The following PIEZO2 variants were observed in gnomAD, a reference collection of about 807,000 sequenced individuals.
PIEZO2 encodes the protein piezo type mechanosensitive ion channel component 2, also known as piezo-type mechanosensitive ion channel component 2.
PIEZO2 carries 172 observed loss-of-function variants against 337.3 expected under a neutral mutation model. The observed-to-expected ratio is 0.51, with a 90% CI of 0.45 to 0.58. The LOEUF is 0.58. Among genes scored for constraint, PIEZO2 ranks in the 20% least tolerant of loss-of-function variants. The pLI is 0.00. For synonymous variants in PIEZO2, 1,251 were observed against 1,228.5 expected (o/e 1.02, Z -0.38); for missense variants, 3,028 against 3,391.3 (o/e 0.89, Z 2.66).
intron 18 of PIEZO2, among the ~76,000 whole-genome samples, chr18:10,774,514 G>A (rs558894485): frequency 3.9e-5 from 6 of 152,270 alleles, no homozygotes; most frequent in Non-Finnish European, 8.8e-5. Flanking sequence ...CCACCTGAGA[G>A]TTACTGATGC....
At chr18:10,770,507 G>T (rs146544489) in intron 20 of PIEZO2, among the ~76,000 whole-genome samples, 199 bp from the exon 21 acceptor site, 1 of 152,150 alleles carries the variant, frequency 6.6e-6, no homozygotes, top group Admixed American at 6.5e-5. Context: ...TCTCAGACTT[G>T]GAGGGACAAT....
intron 40 of PIEZO2, among the ~76,000 whole-genome samples, chr18:10,706,241 G>A (rs115532957): frequency 0.015 from 2,259 of 152,252 alleles, 57 homozygotes; most frequent in African/African-American, 0.052. Flanking sequence ...ATGGGAATGG[G>A]AATGATTAAA....
At position 10,821,350 on chromosome 18, in the gene PIEZO2, T is replaced by C. The variant is rs987752426; in HGVS notation, c.918-14076A>G. Among the ~76,000 whole-genome samples, 1 of 152,194 alleles carries C rather than the reference T, an allele frequency of 6.6e-6. No homozygotes were observed. Among genetic ancestry groups the C allele is most frequent in the Admixed American group, 6.5e-5 (1 of 15,270 alleles). ...GTTTCATATATTTTCTCTAGTTTTC[T>C]CTTTGATTATAGGAGGATAGCTGGT... On this transcript the variant is annotated intron_variant, in intron 7 of 55. Transcript: ENST00000674853. The surrounding 1 kb of genome is among the most constrained non-coding windows in gnomAD (Gnocchi z 4.2).
chr18:10,912,104 C>T (rs987091858), intron 3 of PIEZO2, among the ~76,000 whole-genome samples: 16 of 151,878 alleles, frequency 1.1e-4, no homozygotes, highest in Non-Finnish European at 2.2e-4. Flanking sequence ...CACAAAAATG[C>T]TATTCCAACT....
chr18:11,041,657 A>T (rs1342938957), intron 2 of PIEZO2, among the ~76,000 whole-genome samples: 1 of 152,170 alleles, frequency 6.6e-6, no homozygotes, highest in East Asian at 1.9e-4. Flanking sequence ...TTTTTCTACG[A>T]TGTCAATTTG....
At chr18:10,886,501 C>CTATGTATATATATAT in intron 4 of PIEZO2, among the ~76,000 whole-genome samples, 7 of 11,810 alleles carry the variant, frequency 5.9e-4, no homozygotes, top group Non-Finnish European at 7.9e-4. Flanking sequence ...TATATATACG[C>CTATGTATATATATAT]ATATACACAT....
chr18:11,051,560 T>C (rs987827895), intron 2 of PIEZO2, among the ~76,000 whole-genome samples: 1 of 152,144 alleles, frequency 6.6e-6, no homozygotes, highest in Non-Finnish European at 1.5e-5. Flanking sequence ...AAGAAGTAGA[T>C]ATGACCTGTC....
At chr18:10,683,582 T>C (rs529967804) in intron 49 of PIEZO2, among the ~76,000 whole-genome samples, 6 of 152,348 alleles carry the variant, frequency 3.9e-5, no homozygotes, top group African/African-American at 1.4e-4. Context: ...CGATTTTCTA[T>C]ATTGAAAGGA....
At position 10,696,510 on chromosome 18, in the gene PIEZO2, T is replaced by G. The variant is rs1232389720; in HGVS notation, c.6857A>C (p.Gln2286Pro). 2 of 1,613,724 alleles carry G rather than the reference T, an allele frequency of 1.2e-6. No individual in the cohort carries two copies. The highest frequency in any genetic ancestry group is 1.7e-6 in the Non-Finnish European group (2 of 1,180,028). Residue 2286 changes from glutamine (Q) to proline (P), a missense_variant, in exon 46 of 56, where the codon CAG (glutamine) becomes CCG (proline). This residue lies in a region of PIEZO2 where 1,925 missense variants were observed against 2,051.9 expected (regional missense o/e 0.94). Coordinates refer to ENST00000674853, the MANE Select transcript of PIEZO2 (RefSeq NM_001378183.1). ...KTLEIYVPIKQFFYNLIHPEY... is the reference protein window; with the variant it reads ...KTLEIYVPIKPFFYNLIHPEY... ...CGGGTGGATGAGGTTGTAAAAGAAC[T>G]GTTTGATGGGCACATAGATCTCCAG...
intron 5 of PIEZO2, among the ~76,000 whole-genome samples, chr18:10,866,701 G>A (rs1452762689): frequency 6.6e-6 from 1 of 152,194 alleles, no homozygotes; most frequent in South Asian, 2.1e-4. Flanking sequence ...GGTGACCAGG[G>A]ATGTGGCTGG....
chr18:11,103,826 C>CGT (rs760408388), intron 1 of PIEZO2, among the ~76,000 whole-genome samples: 77 of 149,460 alleles, frequency 5.2e-4, no homozygotes, highest in South Asian at 2.6e-3. Flanking sequence ...TGCGTGTGTG[C>CGT]GTGTGTGTGT....
intron 30 of PIEZO2, among the ~76,000 whole-genome samples, chr18:10,745,729 C>T (rs1246270343): frequency 6.6e-6 from 1 of 152,086 alleles, no homozygotes; most frequent in Middle Eastern, 3.2e-3. Context: ...TCTCATTTCT[C>T]ACACCCCCTC....
chr18:11,095,344 G>A (rs752380068), intron 1 of PIEZO2, among the ~76,000 whole-genome samples: 20 of 152,150 alleles, frequency 1.3e-4, no homozygotes, highest in Non-Finnish European at 2.2e-4. Flanking sequence ...AGCTACTTAC[G>A]AAGAAAGACA....
At chr18:10,760,882 A>G in intron 24 of PIEZO2, 29 bp downstream of exon 24, 2 of 1,487,816 alleles carry the variant, frequency 1.3e-6, no homozygotes, top group Non-Finnish European at 1.8e-6. Flanking sequence ...TGGAAAAGAG[A>G]AATAAAACAT....
chr18:10,772,988 A>G (rs774099379), intron 20 of PIEZO2, among the ~76,000 whole-genome samples: 7 of 152,236 alleles, frequency 4.6e-5, no homozygotes, highest in Non-Finnish European at 8.8e-5. Flanking sequence ...CTAGAAATAT[A>G]TTCTTAATTA....
rs539072095 is a variant in PIEZO2, at chr18:11,076,667, G to A, written c.65-10445C>T. Among the ~76,000 whole-genome samples, 3 of 152,166 alleles carry A rather than the reference G, an allele frequency of 2.0e-5. No homozygotes were observed. In the East Asian group the frequency reaches 5.8e-4, roughly 29 times the overall value. ...CTTATCAGATCAAATATTAGCAACA[G>A]TATTAAGCAGTATATATATAACTTC... is the stretch of plus-strand genomic sequence containing the variant. On this transcript the variant is annotated intron_variant, in intron 1 of 55. Transcript: ENST00000674853.
At chr18:11,029,291 G>C (rs562038869) in intron 2 of PIEZO2, among the ~76,000 whole-genome samples, 1 of 152,254 alleles carries the variant, frequency 6.6e-6, no homozygotes, top group African/African-American at 2.4e-5. Flanking sequence ...CCACTGTCCT[G>C]CTGCTAAAAC....
chr18:10,761,092 G>A lies in PIEZO2; in HGVS notation c.3269C>T (p.Ala1090Val). 2 of 1,537,164 alleles carry A rather than the reference G, an allele frequency of 1.3e-6. No individual in the cohort carries two copies. The highest frequency in any genetic ancestry group is 3.3e-4 in the Middle Eastern group (2 of 5,990). Residue 1090 changes from alanine (A) to valine (V), a missense_variant, in exon 24 of 56, where the codon GCT becomes GTT. Physicochemically the swap from Ala to Val is moderately conservative, Grantham distance 64 (BLOSUM62 0). Transcript: ENST00000674853. ...VYLRNNLLML[A>V]ILAFEVTIYR... is the part of the protein sequence containing the mutation. ...AATGGTGACTTCAAAGGCCAGGATA[G>A]CCAGCATCAGGAGGTTATTCTACAA...
At position 10,784,339 on chromosome 18, in the gene PIEZO2, A is replaced by C. The variant is rs910385689; in HGVS notation, c.2492+445T>G. Reference sequence around the variant, plus strand: ...ATTGCAGATTCTGTTTTTTCAGCCAAAGTTCTTTATTTCCAAAGTGGAAGG... The same window carrying C: ...ATTGCAGATTCTGTTTTTTCAGCCACAGTTCTTTATTTCCAAAGTGGAAGG... On this transcript the variant is annotated intron_variant, in intron 17 of 55. Transcript: ENST00000674853. The surrounding 1 kb of genome is among the most constrained non-coding windows in gnomAD (Gnocchi z 4.5). 2.6e-5 allele frequency among the ~76,000 whole-genome samples: 4 copies of C among 152,176 alleles called. No individual in the cohort carries two copies. The highest frequency in any genetic ancestry group is 5.9e-5 in the Non-Finnish European group (4 of 68,020).
Sources: allele counts gnomAD v4.1 joint callset (sites outside exome capture counted in the v4.1 genomes callset), GRCh38; gene constraint gnomAD v4.1.1; regional missense constraint gnomAD v4.1.1; non-coding constraint Gnocchi (gnomAD v3.1); transcripts MANE v1.5; gene names NCBI Gene and HGNC (gene_info 2026-07-23, HGNC 2026-07-21).